Variants in ARFGEF3 observed in about 807,000 individuals in gnomAD.
ARFGEF3 encodes the protein ARFGEF family member 3.
In ARFGEF3, 96 loss-of-function variants were observed where a neutral mutation model predicts 221.7. The ratio of observed to expected loss-of-function variants is 0.43; its 90% CI spans 0.37 to 0.51. ARFGEF3 has a LOEUF of 0.51. Ranked by LOEUF, ARFGEF3 falls within the 20% of genes least tolerant of loss-of-function variation. ARFGEF3 has a pLI of 0.00. For missense variants in ARFGEF3, 2,410 were observed against 2,789.9 expected (o/e 0.86, Z 3.07); for synonymous variants, 1,145 against 1,126.8 (o/e 1.02, Z -0.32).
At chr6:138,175,662 A>G (rs899890199) in intron 2 of ARFGEF3, among the ~76,000 whole-genome samples, 5 of 152,232 alleles carry the variant, frequency 3.3e-5, no homozygotes, top group East Asian at 3.8e-4. Flanking sequence ...TGGTTTTTCA[A>G]CCAAGTAATA....
chr6:138,227,042 T>TG (rs1338266086), intron 4 of ARFGEF3, among the ~76,000 whole-genome samples: 1 of 149,338 alleles, frequency 6.7e-6, no homozygotes, highest in African/African-American at 2.5e-5. Flanking sequence ...GGGTTGATTT[T>TG]GTTTTTTTTT....
intron 12 of ARFGEF3, among the ~76,000 whole-genome samples, chr6:138,270,422 A>T (rs1778981341): frequency 8.2e-6 from 1 of 122,358 alleles, no homozygotes; most frequent in African/African-American, 3.8e-5. Context: ...CAGGAATTTT[A>T]CGTAGACACA....
Position 138,334,052 on chromosome 6 carries a change from T to C in ARFGEF3, c.5206T>C (p.Phe1736Leu). 1 of 1,613,388 alleles carries C rather than the reference T, an allele frequency of 6.2e-7. No homozygotes were observed. The highest frequency in any genetic ancestry group is 2.2e-5 in the East Asian group (1 of 44,814). Residue 1736 changes from phenylalanine to leucine, a missense_variant, in exon 33 of 34, where the codon TTT (phenylalanine) becomes CTT (leucine). This residue lies in a region of ARFGEF3 where 723 missense variants were observed against 991.9 expected (regional missense o/e 0.73). Transcript: ENST00000251691. This position sits in a 1 kb window ranked among gnomAD's most constrained non-coding sequence, Gnocchi z 5.1. Reference sequence around the variant, plus strand: ...CTTATATGACATCTTGTTAGAAGAGTTTGTCAAAGGCCCCTCTCCTGGAGA... The same window carrying C: ...CTTATATGACATCTTGTTAGAAGAGCTTGTCAAAGGCCCCTCTCCTGGAGA... ...QNLYDILLEEFVKGPSPGEEK... is the reference protein window; with the variant it reads ...QNLYDILLEELVKGPSPGEEK...
At chr6:138,308,551 C>T (rs926283909) in intron 23 of ARFGEF3, among the ~76,000 whole-genome samples, 188 bp from the exon 24 acceptor site, 1 of 152,144 alleles carries the variant, frequency 6.6e-6, no homozygotes, top group East Asian at 1.9e-4. Flanking sequence ...TGCCGAGCTG[C>T]TCCCCTGCCG....
At chr6:138,283,215 C>T (rs1396765783) in intron 14 of ARFGEF3, among the ~76,000 whole-genome samples, 3 of 152,206 alleles carry the variant, frequency 2.0e-5, no homozygotes, top group Non-Finnish European at 2.9e-5. Context: ...TGGTTGAGGA[C>T]CCTAAACATT....
chr6:138,176,731 A>G (rs1052220568), intron 2 of ARFGEF3, among the ~76,000 whole-genome samples: 1 of 151,972 alleles, frequency 6.6e-6, no homozygotes, highest in African/African-American at 2.4e-5. Context: ...GTGTTTTCAT[A>G]ATGGTGAATA....
intron 12 of ARFGEF3, among the ~76,000 whole-genome samples, chr6:138,266,999 C>A (rs1778908547): frequency 6.6e-6 from 1 of 152,138 alleles, no homozygotes; most frequent in Non-Finnish European, 1.5e-5. Context: ...GTTTGGCAGC[C>A]TTGGCTACTC....
chr6:138,201,986 G>A (rs1777545281), intron 2 of ARFGEF3, among the ~76,000 whole-genome samples: 1 of 152,178 alleles, frequency 6.6e-6, no homozygotes, highest in Admixed American at 6.5e-5. Context: ...AAGGAAATAG[G>A]TTCAGTCTCC....
At chr6:138,265,791 G>A (rs1417075141) in intron 12 of ARFGEF3, among the ~76,000 whole-genome samples, 5 of 152,008 alleles carry the variant, frequency 3.3e-5, no homozygotes, top group Non-Finnish European at 5.9e-5. Flanking sequence ...GTTGTACTTC[G>A]GTCTCTCTCT....
chr6:138,179,019 G>A (rs566462882), intron 2 of ARFGEF3, among the ~76,000 whole-genome samples: 3 of 152,302 alleles, frequency 2.0e-5, no homozygotes, highest in South Asian at 4.1e-4. Flanking sequence ...GCCAAAGGAT[G>A]CTAAAGATAC....
chr6:138,313,771 G>C, intron 25 of ARFGEF3, 24 bp from the exon 26 acceptor site: 2 of 1,602,816 alleles, frequency 1.2e-6, no homozygotes, highest in Non-Finnish European at 8.5e-7. Context: ...TATAATTGCA[G>C]TTTGTCTTTT....
chr6:138,221,323 C>T (rs1474379244), intron 4 of ARFGEF3, among the ~76,000 whole-genome samples: 1 of 152,136 alleles, frequency 6.6e-6, no homozygotes, highest in Non-Finnish European at 1.5e-5. Flanking sequence ...GATTCTGTTT[C>T]TTGATGGGGA....
chr6:138,299,790 A>G (rs1261891891), intron 22 of ARFGEF3, among the ~76,000 whole-genome samples: 3 of 152,262 alleles, frequency 2.0e-5, no homozygotes, highest in Non-Finnish European at 4.4e-5. Context: ...GAATTAAAAC[A>G]AACTTCCTGA....
intron 31 of ARFGEF3, among the ~76,000 whole-genome samples, chr6:138,327,753 G>T (rs1780152326): frequency 6.6e-6 from 1 of 151,960 alleles, no homozygotes; most frequent in South Asian, 2.1e-4. Flanking sequence ...TGCTATTTGG[G>T]GTATAATGAA....
chr6:138,258,700 T>G (rs1002558753), intron 10 of ARFGEF3, among the ~76,000 whole-genome samples: 12 of 152,240 alleles, frequency 7.9e-5, no homozygotes, highest in Non-Finnish European at 1.5e-5. Context: ...CCCCTAGTAT[T>G]TAACACTATA....
intron 4 of ARFGEF3, among the ~76,000 whole-genome samples, chr6:138,221,557 T>C (rs947434025): frequency 1.2e-4 from 18 of 152,184 alleles, no homozygotes; most frequent in African/African-American, 4.3e-4. Flanking sequence ...TAGTTAGAGA[T>C]GACAGTTATA....
At chr6:138,262,670 T>C in intron 11 of ARFGEF3, 31 bp from the exon 12 acceptor site, 1 of 1,555,446 alleles carries the variant, frequency 6.4e-7, no homozygotes, top group Non-Finnish European at 8.7e-7. Context: ...TTTATGCATT[T>C]ATTCCATTTT....
At chr6:138,285,348 G>C (rs1440999439) in intron 14 of ARFGEF3, among the ~76,000 whole-genome samples, 1 of 151,994 alleles carries the variant, frequency 6.6e-6, no homozygotes, top group East Asian at 1.9e-4. Context: ...CTACTCGGGA[G>C]GCTGAGGCAG....
At chr6:138,263,637 A>C (rs1447654877) in intron 12 of ARFGEF3, 26 bp downstream of exon 12, 1 of 1,559,826 alleles carries the variant, frequency 6.4e-7, no homozygotes, top group African/African-American at 1.4e-5. Flanking sequence ...TCTGCTGTAT[A>C]GTCAACAAGA....
Sources: gnomAD v4.1 joint callset for allele counts (sites outside exome capture counted in the v4.1 genomes callset) on GRCh38, gnomAD v4.1.1 for gene constraint, gnomAD v4.1.1 regional missense constraint, Gnocchi (gnomAD v3.1) non-coding constraint, MANE v1.5 for transcripts, NCBI Gene and HGNC (gene_info 2026-07-23, HGNC 2026-07-21) for gene names.